Variants in PLCB2 observed in about 807,000 individuals in gnomAD.
PLCB2 encodes the protein 1-phosphatidylinositol 4,5-bisphosphate phosphodiesterase beta-2.
In PLCB2, 115 loss-of-function variants were observed where a neutral mutation model predicts 141.7. That is an observed-to-expected ratio of 0.81 (90% CI 0.70 to 0.95). The LOEUF (loss-of-function observed/expected upper bound fraction) is 0.95, where lower values mean the gene tolerates loss of function less well. Ranked by LOEUF, PLCB2 falls within the 40% of genes least tolerant of loss-of-function variation. The pLI is 0.00. For missense variants in PLCB2, 1,403 were observed against 1,541.1 expected (o/e 0.91, Z 1.50); for synonymous variants, 603 against 595.6 (o/e 1.01, Z -0.18).
intron 7 of PLCB2, chr15:40,300,855 G>C (rs2141142455): frequency 6.6e-6 from 1 of 152,408 alleles, no homozygotes; most frequent in East Asian, 1.9e-4. Context: ...CAGAGGGTCT[G>C]AGCAGGAGAG....
chr15:40,291,013 G>A lies in PLCB2; in HGVS notation c.3036+5C>T, dbSNP rs745758478. On this transcript the variant is annotated splice_donor_5th_base_variant and intron_variant, in intron 27 of 31. Transcript: ENST00000260402. ...TGGGGTTGTCGCCCTGCCCCTCCCG[G>A]CCACCTCGGCCACGTGCTGCTCCTT... The A allele has an allele frequency of 5.7e-6, 9 of 1,590,168 alleles. No individual in the cohort carries two copies. The highest frequency in any genetic ancestry group is 6.8e-6 in the Non-Finnish European group (8 of 1,176,600).
intron 1 of PLCB2, among the ~76,000 whole-genome samples, chr15:40,306,610 G>T (rs1311224522): frequency 1.3e-5 from 2 of 152,034 alleles, no homozygotes; most frequent in African/African-American, 4.8e-5. Flanking sequence ...TCACCACAGG[G>T]CCCCAACCCA....
chr15:40,293,739 C>A lies in PLCB2; in HGVS notation c.2062-15G>T. The stretch of plus-strand genomic sequence containing the variant: ...CCAGAGATCACCTGGGGGTAGGGGC[C>A]CAGGAAAACCAGCATCAAATCCCCA... On this transcript the variant is annotated splice_polypyrimidine_tract_variant and intron_variant, in intron 19 of 31. Transcript: ENST00000260402. The A allele has an allele frequency of 1.3e-6, 2 of 1,599,440 alleles. No homozygotes were observed. Among genetic ancestry groups the A allele is most frequent in the Non-Finnish European group, 1.7e-6 (2 of 1,168,656 alleles).
intron 20 of PLCB2, 36 bp downstream of exon 20, chr15:40,293,524 T>C (rs1383009508): frequency 6.2e-7 from 1 of 1,603,292 alleles, no homozygotes; most frequent in Non-Finnish European, 8.5e-7. Context: ...GGCCAAGAAC[T>C]AGACAGACTC....
At position 40,295,202 on chromosome 15, in the gene PLCB2, C is replaced by G; in HGVS notation, c.1780G>C (p.Asp594His). 1 of 1,613,460 alleles carries G rather than the reference C, an allele frequency of 6.2e-7. No homozygotes were observed. Among genetic ancestry groups the G allele is most frequent in the Non-Finnish European group, 8.5e-7 (1 of 1,179,388 alleles). Reference protein sequence around the residue: ...LLSKASVQFVDYNKRQMSRIY... With the variant: ...LLSKASVQFVHYNKRQMSRIY... Reference sequence around the variant, plus strand: ...TGGCCACTGAAACCTCAAGGATACTCCACAAACTGCACCGAGGCCTTGGAG... The same window carrying G: ...TGGCCACTGAAACCTCAAGGATACTGCACAAACTGCACCGAGGCCTTGGAG... Residue 594 changes from aspartate (D) to histidine (H), a missense_variant and splice_region_variant, in exon 17 of 32, where the codon GAC becomes CAC. Asp to His is a moderately conservative substitution (Grantham distance 81). This residue lies in a region of PLCB2 where 975 missense variants were observed against 1,141.1 expected (regional missense o/e 0.85). Coordinates refer to ENST00000260402, the MANE Select transcript of PLCB2 (RefSeq NM_004573.3).
At position 40,293,788 on chromosome 15, in the gene PLCB2, G is replaced by A. The variant is rs1004418394; in HGVS notation, c.2062-64C>T. 1.3e-5 allele frequency: 21 copies of A among 1,558,424 alleles called. No individual in the cohort carries two copies. In the African/African-American group the frequency reaches 2.6e-4, roughly 19 times the overall value. On this transcript the variant is annotated intron_variant, in intron 19 of 31. Transcript: ENST00000260402. ...CACCCAGGCTCTTCCCCAAGCATCT[G>A]GGGCCCCTGGCTGCCTAGAGCTGAA... is the stretch of plus-strand genomic sequence containing the variant.
At chr15:40,292,766 C>T (rs1047932923) in intron 21 of PLCB2, among the ~76,000 whole-genome samples, 160 bp downstream of exon 21, 5 of 152,164 alleles carry the variant, frequency 3.3e-5, no homozygotes, top group Admixed American at 6.5e-5. Context: ...GCAGAGTTCC[C>T]GCCTCTCTTA....
chr15:40,287,900 A>T (rs760411037), downstream of PLCB2: 43 of 982,242 alleles, frequency 4.4e-5, no homozygotes, highest in Non-Finnish European at 5.1e-5. Context: ...ACCAGGCTTA[A>T]GCAGGAAACA....
Position 40,291,449 on chromosome 15 carries a change from T to TTA in PLCB2, c.2684_2685dup (p.Lys896Ter). ...CGCCGCTGCAGCTTCACCACGCCCT[T>TTA]TAGCTCCCGGAGCTCCTCCAGGCTG... On this transcript the variant is annotated frameshift_variant, in exon 26 of 32. Coordinates refer to ENST00000260402, the MANE Select transcript of PLCB2 (RefSeq NM_004573.3). LOFTEE classifies it high-confidence loss of function. The TTA allele has an allele frequency of 1.3e-6, 2 of 1,555,852 alleles. No homozygotes were observed. Among genetic ancestry groups the TTA allele is most frequent in the Non-Finnish European group, 1.7e-6 (2 of 1,156,060 alleles).
chr15:40,285,490 G>A (rs1281754361), downstream of PLCB2: 22 of 970,272 alleles, frequency 2.3e-5, no homozygotes, highest in Admixed American at 6.2e-5. Flanking sequence ...TTTTTATTTT[G>A]TTTTGTTTTG....
chr15:40,289,306 G>A lies in PLCB2; in HGVS notation c.3320C>T (p.Ala1107Val). 1.2e-6 allele frequency: 2 copies of A among 1,614,074 alleles called. No individual in the cohort carries two copies. Among genetic ancestry groups the A allele is most frequent in the South Asian group, 2.2e-5 (2 of 91,080 alleles). Residue 1107 changes from alanine to valine, a missense_variant, in exon 31 of 32, where the codon GCT becomes GTT. Physicochemically the swap from Ala to Val is moderately conservative, Grantham distance 64 (BLOSUM62 0). Around this residue, in one of 4 missense-constraint regions of PLCB2, gnomAD observed 132 missense variants for 132.4 expected, o/e 1.00. Transcript: ENST00000260402. ...CATCTCCCGTATCTGTTCCAGGCAA[G>A]CCGCCTGCTTCTCCTCCAGCTTCTC... ...HQEKLEEKQA[A>V]CLEQIREMEK...
rs745985655 is a variant in PLCB2 at position 40,293,565 on chromosome 15, C to T, written c.2221G>A (p.Glu741Lys). ...TGCCATGCCCTGGCCCCCACCTTCTCAAAGACAAAGGGCTCCTCCTTCCAG... is the reference window on the plus strand; with the variant it reads ...TGCCATGCCCTGGCCCCCACCTTCTTAAAGACAAAGGGCTCCTCCTTCCAG... The part of the protein sequence containing the change: ...PVWKEEPFVF[E>K]KILMPELASL... The change falls in exon 20 of 32, where the codon GAG becomes AAG. Residue 741 changes from glutamate (E) to lysine (K), a missense_variant. Around this residue, in one of 4 missense-constraint regions of PLCB2, gnomAD observed 975 missense variants for 1,141.1 expected, o/e 0.85. Transcript: ENST00000260402. The T allele has an allele frequency of 6.2e-7, 1 of 1,613,458 alleles. No homozygotes were observed. Among genetic ancestry groups the T allele is most frequent in the South Asian group, 1.1e-5 (1 of 91,064 alleles).
chr15:40,296,657 C>T, intron 14 of PLCB2, 23 bp from the exon 15 acceptor site: 1 of 1,612,468 alleles, frequency 6.2e-7, no homozygotes. Context: ...GCTCTGTCGG[C>T]ACTGGCTCCT....
chr15:40,301,426 C>A, intron 7 of PLCB2: 1 of 620,938 alleles, frequency 1.6e-6, no homozygotes, highest in Non-Finnish European at 2.9e-6. Flanking sequence ...CTGCTTACAA[C>A]TTGTAATTAA....
chr15:40,288,616 GC>G lies in PLCB2; in HGVS notation c.*98del. On this transcript the variant is annotated 3_prime_UTR_variant, in exon 32 of 32. Coordinates refer to ENST00000260402, the MANE Select transcript of PLCB2 (RefSeq NM_004573.3). Reference sequence around the variant, plus strand: ...TCCAAGGCAGCCACAGGTTCCCACAGCCTCAGAAGGCTGGGGCTCCTTTTTC... The same window carrying G: ...TCCAAGGCAGCCACAGGTTCCCACAGCTCAGAAGGCTGGGGCTCCTTTTTC... 7.0e-7 allele frequency: 1 copy of G among 1,426,962 alleles called. No homozygotes were observed. Among genetic ancestry groups the G allele is most frequent in the Non-Finnish European group, 9.2e-7 (1 of 1,091,056 alleles). 88.4% of individuals were successfully genotyped at this position (1,426,962 alleles called of 1,614,324 possible). A position where few individuals can be genotyped will look rare whatever the true frequency, so the allele number is the denominator to read the frequency against.
intron 17 of PLCB2, 38 bp downstream of exon 17, chr15:40,295,163 C>A: frequency 1.2e-6 from 2 of 1,609,308 alleles, no homozygotes; most frequent in Non-Finnish European, 1.7e-6. Flanking sequence ...GCTCCCCACC[C>A]AAGCCAAGGA....
At chr15:40,296,717 AC>A in intron 14 of PLCB2, 28 bp downstream of exon 14, 2 of 1,606,780 alleles carry the variant, frequency 1.2e-6, no homozygotes, top group Non-Finnish European at 8.5e-7. Context: ...TGCTCCTAAT[AC>A]CCCCCACCAT....
intron 30 of PLCB2, 65 bp downstream of exon 30, chr15:40,289,953 GAGAGAGA>G (rs2039781633): frequency 7.7e-6 from 5 of 648,952 alleles, no homozygotes; most frequent in Admixed American, 2.1e-5. Flanking sequence ...GAGAGAGAGA[GAGAGAGA>G]GAGAGAGAGT....
chr15:40,285,253 G>A (rs1051535709), downstream of PLCB2, among the ~76,000 whole-genome samples: 1 of 152,164 alleles, frequency 6.6e-6, no homozygotes, highest in Admixed American at 6.5e-5. Context: ...TTTTGCATTT[G>A]TTAAGCCTTT....
Sources: allele counts gnomAD v4.1 joint callset (sites outside exome capture counted in the v4.1 genomes callset), GRCh38; gene constraint gnomAD v4.1.1; regional missense constraint gnomAD v4.1.1; transcripts MANE v1.5; gene names NCBI Gene and HGNC (gene_info 2026-07-23, HGNC 2026-07-21).